DHX8: variants seen among roughly 807,000 people sequenced by gnomAD.
DHX8 encodes the protein ATP-dependent RNA helicase DHX8.
In DHX8, 67 loss-of-function variants were observed where a neutral mutation model predicts 140.7. The observed-to-expected ratio is 0.48, with a 90% CI of 0.39 to 0.58. DHX8 has a LOEUF of 0.58. Ranked by LOEUF, DHX8 falls within the 20% of genes least tolerant of loss-of-function variation. DHX8 has a pLI of 0.00. For missense variants in DHX8, 887 were observed against 1,550.7 expected (o/e 0.57, Z 7.19); for synonymous variants, 533 against 553.2 (o/e 0.96, Z 0.51).
At chr17:43,484,436 T>G (rs1240539434) in intron 1 of DHX8, among the ~76,000 whole-genome samples, 1 of 152,044 alleles carries the variant, frequency 6.6e-6, no homozygotes, top group Non-Finnish European at 1.5e-5. Flanking sequence ...TGTTTTTTGT[T>G]TGTTTTTTCA....
At chr17:43,506,738 C>T (rs111703891) in intron 12 of DHX8, among the ~76,000 whole-genome samples, 317 of 151,630 alleles carry the variant, frequency 2.1e-3, no homozygotes, top group Non-Finnish European at 3.1e-3. Context: ...TTACAAACAA[C>T]GTAGAAATAA....
chr17:43,517,698 AC>A (rs1260139225), intron 18 of DHX8: 1 of 163,532 alleles, frequency 6.1e-6, no homozygotes, highest in Non-Finnish European at 1.3e-5. Context: ...ACGAGAGAAA[AC>A]CCCCTGTTCA....
downstream of DHX8, chr17:43,544,684 T>C: frequency 3.4e-6 from 1 of 295,252 alleles, no homozygotes; most frequent in East Asian, 5.5e-5. Flanking sequence ...AAAATGGGCC[T>C]GGGGCCAAGT....
At chr17:43,523,493 T>G (rs1567700505) in intron 22 of DHX8, 135 bp from the exon 23 acceptor site, 1 of 1,371,728 alleles carries the variant, frequency 7.3e-7, no homozygotes, top group East Asian at 2.4e-5. Context: ...ATAAACAGAC[T>G]GCAGTCTTAT....
intron 11 of DHX8, among the ~76,000 whole-genome samples, chr17:43,502,964 CT>C (rs1969283334): frequency 6.6e-6 from 1 of 152,118 alleles, no homozygotes; most frequent in South Asian, 2.1e-4. Context: ...TCGTAGCCAG[CT>C]TTTGGCATCA....
chr17:43,505,021 A>G (rs1340249176), intron 12 of DHX8, among the ~76,000 whole-genome samples, 196 bp downstream of exon 12: 1 of 152,190 alleles, frequency 6.6e-6, no homozygotes, highest in Non-Finnish European at 1.5e-5. Flanking sequence ...GGATGCCTAT[A>G]ATCCCAGCAC....
At chr17:43,520,923 TG>T (rs1389781686) in intron 20 of DHX8, 44 bp downstream of exon 20, 8 of 1,557,296 alleles carry the variant, frequency 5.1e-6, no homozygotes, top group Non-Finnish European at 6.1e-6. Flanking sequence ...GCCATGAAGT[TG>T]GGGTAGTTGG....
At chr17:43,521,107 C>T (rs776973178) in intron 20 of DHX8, among the ~76,000 whole-genome samples, 1 of 151,412 alleles carries the variant, frequency 6.6e-6, no homozygotes, top group Non-Finnish European at 1.5e-5. Context: ...GGATTACAGG[C>T]GTGCGCCACC....
chr17:43,534,475 C>T (rs980405514), intron 2 of DHX8, among the ~76,000 whole-genome samples: 1 of 152,034 alleles, frequency 6.6e-6, no homozygotes, highest in Non-Finnish European at 1.5e-5. Flanking sequence ...GCCTGGGTGA[C>T]AGAGCGAGAC....
Position 43,502,584 on chromosome 17 carries a change from G to A in DHX8, c.1547-2060G>A, listed in dbSNP as rs559079576. 7.2e-5 allele frequency among the ~76,000 whole-genome samples: 11 copies of A among 152,042 alleles called. No homozygotes were observed. The South Asian group carries it at 2.1e-3, about 29-fold the overall frequency. ...ACTACAGGTGACCGCCACCACGCACGAGTAATTATTTTGCATTTTTGGTAG... is the reference window on the plus strand; with the variant it reads ...ACTACAGGTGACCGCCACCACGCACAAGTAATTATTTTGCATTTTTGGTAG... On this transcript the variant is annotated intron_variant, in intron 11 of 22. Coordinates refer to ENST00000262415, the MANE Select transcript of DHX8 (RefSeq NM_004941.3).
At chr17:43,489,617 G>T in intron 2 of DHX8, 83 bp downstream of exon 2, 1 of 1,073,330 alleles carries the variant, frequency 9.3e-7, no homozygotes, top group Non-Finnish European at 1.4e-6. Context: ...TTGAGACAGA[G>T]TTTTGCTCTG....
At chr17:43,520,949 A>G in intron 20 of DHX8, 70 bp downstream of exon 20, 1 of 1,274,364 alleles carries the variant, frequency 7.8e-7, no homozygotes, top group African/African-American at 1.6e-5. Flanking sequence ...TTGCCATTCC[A>G]ATGCTTGATG....
In DHX8 at chr17:43,533,056, G is replaced by A. The variant is rs528803637; in HGVS notation, c.351-3356G>A. The stretch of plus-strand genomic sequence containing the variant: ...GGAATGGGGGGTAGGGGGTTGGGGT[G>A]TCAGTATTTCTCCCTTTCTATTCCA... On this transcript the variant is annotated intron_variant, in intron 2 of 3. Coordinates refer to the DHX8 transcript ENST00000589898. 1.1e-4 allele frequency: 159 copies of A among 1,490,528 alleles called. 1 individual carries two copies. In the South Asian group the frequency reaches 2.0e-3, roughly 19 times the overall value. The allele number at this position is 1,490,528 out of a possible 1,614,324, so 92.3% of individuals were successfully genotyped here. A position where few individuals can be genotyped will look rare whatever the true frequency, so the allele number is the denominator to read the frequency against.
chr17:43,498,882 T>A lies in DHX8; in HGVS notation c.1321T>A (p.Leu441Met). ...DEEDEDLEIE[L>M]VEEEPPFLRG... Reference sequence around the variant, plus strand: ...TTTAGATGAGGACCTTGAGATTGAATTGGTTGAGGAAGAGCCTCCATTCCT... The same window carrying A: ...TTTAGATGAGGACCTTGAGATTGAAATGGTTGAGGAAGAGCCTCCATTCCT... The change falls in exon 10 of 23, where the codon TTG (leucine) becomes ATG (methionine). Residue 441 changes from leucine to methionine, a missense_variant. Leu to Met is a conservative substitution (Grantham distance 15). Around this residue, in one of 9 missense-constraint regions of DHX8, gnomAD observed 178 missense variants for 398.5 expected, o/e 0.45. Coordinates refer to ENST00000262415, the MANE Select transcript of DHX8 (RefSeq NM_004941.3). The A allele has an allele frequency of 6.3e-7, 1 of 1,595,178 alleles. No individual in the cohort carries two copies. The highest frequency in any genetic ancestry group is 8.5e-7 in the Non-Finnish European group (1 of 1,173,066).
intron 5 of DHX8, 38 bp downstream of exon 5, chr17:43,492,330 T>A: frequency 6.4e-7 from 1 of 1,551,650 alleles, no homozygotes; most frequent in South Asian, 1.1e-5. Flanking sequence ...AAGTTTAGGG[T>A]ACTGTGACAG....
At chr17:43,493,326 C>T (rs961940947) in intron 6 of DHX8, 119 bp from the exon 7 acceptor site, 18 of 1,383,436 alleles carry the variant, frequency 1.3e-5, no homozygotes, top group Non-Finnish European at 1.7e-5. Context: ...TGACCACCTT[C>T]ATGGTACTTT....
chr17:43,498,897 C>A lies in DHX8; in HGVS notation c.1336C>A (p.Pro446Thr). The change falls in exon 10 of 23, where the codon CCT becomes ACT. Residue 446 changes from proline to threonine, a missense_variant. Pro to Thr is a conservative substitution (Grantham distance 38). Coordinates refer to ENST00000262415, the MANE Select transcript of DHX8 (RefSeq NM_004941.3). The part of the protein sequence containing the change: ...DLEIELVEEE[P>T]PFLRGHTKQS... ...TGAGATTGAATTGGTTGAGGAAGAG[C>A]CTCCATTCCTGAGAGGGCACACTAA... is the stretch of plus-strand genomic sequence containing the variant. 6.3e-7 allele frequency: 1 copy of A among 1,595,364 alleles called. No individual in the cohort carries two copies. Among genetic ancestry groups the A allele is most frequent in the East Asian group, 2.3e-5 (1 of 43,248 alleles).
In DHX8 at chr17:43,491,254, C is replaced by A; in HGVS notation, c.393+4C>A. 1.3e-6 allele frequency: 2 copies of A among 1,490,638 alleles called. No individual in the cohort carries two copies. The highest frequency in any genetic ancestry group is 2.3e-5 in the Admixed American group (1 of 44,282). 92.3% of individuals were successfully genotyped at this position (1,490,638 alleles called of 1,614,324 possible). On this transcript the variant is annotated splice_donor_region_variant and intron_variant, in intron 4 of 22. Coordinates refer to ENST00000262415, the MANE Select transcript of DHX8 (RefSeq NM_004941.3). ...ACCGGACAACCCTTCTGTTCGGGTA[C>A]TGATACCATTTTAAGAGTGTCTACT...
At chr17:43,498,739 A>G (rs938297825) in intron 9 of DHX8, 123 bp from the exon 10 acceptor site, 10 of 684,746 alleles carry the variant, frequency 1.5e-5, no homozygotes, top group Non-Finnish European at 2.4e-5. Flanking sequence ...GTGAGCCACC[A>G]TGCCCCACCA....
Sources: allele counts gnomAD v4.1 joint callset (sites outside exome capture counted in the v4.1 genomes callset), GRCh38; gene constraint gnomAD v4.1.1; regional missense constraint gnomAD v4.1.1; transcripts MANE v1.5; gene names NCBI Gene and HGNC (gene_info 2026-07-23, HGNC 2026-07-21).